The following ESRRG variants were observed in gnomAD, a reference collection of about 807,000 sequenced individuals.
ESRRG encodes estrogen related receptor gamma, also known as estrogen-related receptor gamma.
ESRRG carries 13 observed loss-of-function variants against 44.0 expected under a neutral mutation model. The ratio of observed to expected loss-of-function variants is 0.30; its 90% CI spans 0.19 to 0.47. ESRRG has a LOEUF of 0.47. Ranked by LOEUF, ESRRG falls within the 20% of genes least tolerant of loss-of-function variation. The pLI is 1.00. For synonymous variants in ESRRG, 215 were observed against 214.6 expected (o/e 1.00, Z -0.02); for missense variants, 395 against 580.6 (o/e 0.68, Z 3.29).
At chr1:216,573,685 G>A (rs2061229046) in intron 3 of ESRRG, among the ~76,000 whole-genome samples, 1 of 151,458 alleles carries the variant, frequency 6.6e-6, no homozygotes, top group Non-Finnish European at 1.5e-5. Flanking sequence ...TTTATTTCCT[G>A]CCCCCTCCCA....
chr1:216,929,152 C>G (rs1403608815), intron 2 of ESRRG, among the ~76,000 whole-genome samples: 1 of 152,130 alleles, frequency 6.6e-6, no homozygotes, highest in Non-Finnish European at 1.5e-5. Flanking sequence ...ACTGGTCTCC[C>G]AAGTTTGAAT....
At chr1:216,968,339 C>G (rs2070887481) in intron 1 of ESRRG, among the ~76,000 whole-genome samples, 1 of 152,102 alleles carries the variant, frequency 6.6e-6, no homozygotes. Context: ...CATATGTTCT[C>G]TTCTAAAAGT....
At chr1:216,899,139 A>T (rs1039982084) in intron 2 of ESRRG, among the ~76,000 whole-genome samples, 2 of 152,186 alleles carry the variant, frequency 1.3e-5, no homozygotes, top group Non-Finnish European at 2.9e-5. Flanking sequence ...GTTCTCAGGA[A>T]ATAAATGGCT....
chr1:216,732,369 C>T (rs1333634255), intron 2 of ESRRG, among the ~76,000 whole-genome samples: 1 of 123,286 alleles, frequency 8.1e-6, no homozygotes, highest in Non-Finnish European at 1.6e-5. Context: ...AAGTTGACAT[C>T]TGGATTTATT....
chr1:216,540,923 C>G, intron 5 of ESRRG, among the ~76,000 whole-genome samples: 1 of 151,822 alleles, frequency 6.6e-6, no homozygotes. Flanking sequence ...CTTCTGAAAA[C>G]AGGCAGTTTT....
intron 2 of ESRRG, among the ~76,000 whole-genome samples, chr1:216,794,360 T>C (rs2094416052): frequency 6.6e-6 from 1 of 152,176 alleles, no homozygotes; most frequent in South Asian, 2.1e-4. Context: ...CGGGAGTAAA[T>C]ACCTTCTCAG....
At chr1:216,618,922 C>T (rs1334762993) in intron 3 of ESRRG, among the ~76,000 whole-genome samples, 3 of 152,220 alleles carry the variant, frequency 2.0e-5, no homozygotes, top group African/African-American at 7.2e-5. Flanking sequence ...ACACAGGTCA[C>T]TGTGGTTTCC....
chr1:216,842,780 T>C (rs1343072985), intron 2 of ESRRG, among the ~76,000 whole-genome samples: 1 of 152,240 alleles, frequency 6.6e-6, no homozygotes, highest in African/African-American at 2.4e-5. Flanking sequence ...ATGACTTTGA[T>C]AGTGCATTTA....
At chr1:216,953,676 G>C (rs1251831290) in intron 1 of ESRRG, among the ~76,000 whole-genome samples, 1 of 152,006 alleles carries the variant, frequency 6.6e-6, no homozygotes, top group Non-Finnish European at 1.5e-5. Flanking sequence ...TTCAGGTTCA[G>C]TGACATAATA....
intron 1 of ESRRG, among the ~76,000 whole-genome samples, chr1:217,075,312 T>C (rs1310541577): frequency 1.5e-4 from 23 of 152,160 alleles, no homozygotes; most frequent in Admixed American, 1.4e-3. Flanking sequence ...TGGTATACAT[T>C]ATTACCCTCA....
chr1:216,724,848 T>G (rs569046330), upstream of ESRRG, among the ~76,000 whole-genome samples: 1 of 152,278 alleles, frequency 6.6e-6, no homozygotes, highest in South Asian at 2.1e-4. Context: ...CAGCTATTTA[T>G]GGCAAAGAGA....
At chr1:217,020,410 C>T (rs1198537105) in intron 1 of ESRRG, among the ~76,000 whole-genome samples, 1 of 152,134 alleles carries the variant, frequency 6.6e-6, no homozygotes, top group African/African-American at 2.4e-5. Flanking sequence ...CAACATTTTA[C>T]AATGAAGAAA....
intron 1 of ESRRG, among the ~76,000 whole-genome samples, chr1:217,116,134 T>A (rs2092723650): frequency 6.6e-6 from 1 of 152,204 alleles, no homozygotes; most frequent in African/African-American, 2.4e-5. Flanking sequence ...TGTTAACATG[T>A]CTGGATTCTA....
chr1:216,778,034 G>A (rs1301263507), intron 2 of ESRRG, among the ~76,000 whole-genome samples: 1 of 151,992 alleles, frequency 6.6e-6, no homozygotes, highest in Non-Finnish European at 1.5e-5. Context: ...AAGAATCTAG[G>A]AGTCATTTGA....
intron 1 of ESRRG, among the ~76,000 whole-genome samples, chr1:217,026,603 G>A (rs939174255): frequency 6.6e-6 from 1 of 152,092 alleles, no homozygotes; most frequent in Non-Finnish European, 1.5e-5. Flanking sequence ...CCGCTTGTGG[G>A]TATCTAATTT....
intron 3 of ESRRG, among the ~76,000 whole-genome samples, chr1:216,632,925 C>T (rs960577083): frequency 7.2e-5 from 11 of 151,986 alleles, no homozygotes; most frequent in African/African-American, 2.7e-4. Context: ...TGTATAATAT[C>T]CTTTTCCTTT....
chr1:216,860,852 T>G (rs1434327053), intron 2 of ESRRG, among the ~76,000 whole-genome samples: 5 of 152,146 alleles, frequency 3.3e-5, no homozygotes, highest in Non-Finnish European at 7.4e-5. Context: ...GCTATTATTA[T>G]TAGTACATCT....
Position 216,723,278 on chromosome 1 carries a change from G to C in ESRRG, c.22C>G (p.Leu8Val). The change falls in exon 1 of 7, where the codon CTT becomes GTT. Residue 8 changes from leucine (L) to valine (V), a missense_variant. This residue lies in a region of ESRRG where 148 missense variants were observed against 150.4 expected (regional missense o/e 0.98). Transcript: ENST00000408911. The stretch of plus-strand genomic sequence containing the variant: ...TAGTGCAGGGAAAAAGATTCAGGAA[G>C]GCAAAGTTCTACCGAATCCATGTGC... Reference protein sequence around the residue: MDSVELCLPESFSLHYEE... With the variant: MDSVELCVPESFSLHYEE... The C allele has an allele frequency of 6.2e-7, 1 of 1,613,522 alleles. No homozygotes were observed. Among genetic ancestry groups the C allele is most frequent in the South Asian group, 1.1e-5 (1 of 91,058 alleles).
At chr1:216,764,961 G>A (rs953556946) in intron 2 of ESRRG, among the ~76,000 whole-genome samples, 1 of 152,010 alleles carries the variant, frequency 6.6e-6, no homozygotes, top group Non-Finnish European at 1.5e-5. Context: ...CGCCCTTCAG[G>A]GAAGCGGTGA....
Sources: gnomAD v4.1 joint callset for allele counts (sites outside exome capture counted in the v4.1 genomes callset) on GRCh38, gnomAD v4.1.1 for gene constraint, gnomAD v4.1.1 regional missense constraint, MANE v1.5 for transcripts, NCBI Gene and HGNC (gene_info 2026-07-23, HGNC 2026-07-21) for gene names.